Variants in TMOD2 observed in about 807,000 individuals in gnomAD.
TMOD2 encodes tropomodulin-2.
In TMOD2, 22 loss-of-function variants were observed where a neutral mutation model predicts 39.9. The observed-to-expected ratio is 0.55, with a 90% confidence interval of 0.39 to 0.79. The LOEUF (loss-of-function observed/expected upper bound fraction) is 0.79, where lower values mean the gene tolerates loss of function less well. Ranked by LOEUF, TMOD2 falls within the 30% of genes least tolerant of loss-of-function variation. TMOD2 has a pLI of 0.00. For synonymous variants in TMOD2, 123 were observed against 146.1 expected (o/e 0.84, Z 1.14); for missense variants, 386 against 413.3 (o/e 0.93, Z 0.57).
At position 51,773,833 on chromosome 15, in the gene TMOD2, A is replaced by C; in HGVS notation, c.405A>C (p.Ala135=). The C allele has an allele frequency of 5.6e-6, 9 of 1,606,296 alleles. No individual in the cohort carries two copies. The highest frequency in any genetic ancestry group is 7.6e-6 in the Non-Finnish European group (9 of 1,177,616). ...CTGACACCGAACTCTATGATCTTGC[A>C]GGTTAGTCCTGAACTCTGGGAACTT... is the stretch of plus-strand genomic sequence containing the variant. ...SASDTELYDL[A]AVLGVHNLLN... Residue 135 remains alanine (A), a splice_region_variant and synonymous_variant, in exon 4 of 10, where the codon GCA becomes GCC. Coordinates refer to ENST00000249700, the MANE Select transcript of TMOD2 (RefSeq NM_014548.4).
chr15:51,769,155 G>A (rs1027239191), intron 3 of TMOD2, among the ~76,000 whole-genome samples: 5 of 152,254 alleles, frequency 3.3e-5, no homozygotes, highest in Admixed American at 2.6e-4. Flanking sequence ...TGCTTATGGT[G>A]TGATGGTTCT....
intron 8 of TMOD2, among the ~76,000 whole-genome samples, chr15:51,804,415 C>G (rs536417607): frequency 1.3e-5 from 2 of 150,328 alleles, no homozygotes; most frequent in African/African-American, 4.9e-5. Flanking sequence ...TGTGTAGATA[C>G]GTGAATGCAT....
chr15:51,758,931 C>G (rs1489733263), intron 1 of TMOD2, among the ~76,000 whole-genome samples: 1 of 152,192 alleles, frequency 6.6e-6, no homozygotes, highest in Non-Finnish European at 1.5e-5. Context: ...GAGTGCAGCA[C>G]AGGATGAGGC....
intron 3 of TMOD2, among the ~76,000 whole-genome samples, chr15:51,770,565 G>A (rs572676533): frequency 1.3e-5 from 2 of 152,300 alleles, no homozygotes; most frequent in South Asian, 4.1e-4. Context: ...GAGTGCTACT[G>A]CCTTGTCTCA....
At chr15:51,775,670 G>C (rs8027721) in intron 4 of TMOD2, among the ~76,000 whole-genome samples, 66,117 of 146,470 alleles carry the variant, frequency 0.45, 14,980 homozygotes, top group Admixed American at 0.54. Flanking sequence ...CTCCACCTCC[G>C]GAGTTCAAGC....
Position 51,781,145 on chromosome 15 carries a change from T to A in TMOD2, c.595T>A (p.Leu199Met), listed in dbSNP as rs758640525. Reference sequence around the variant, plus strand: ...GCAGATGAAAGCCAATGATCCTAGCTTGCAAGAAGTCAACCTCAACAACAT... The same window carrying A: ...GCAGATGAAAGCCAATGATCCTAGCATGCAAGAAGTCAACCTCAACAACAT... The part of the protein sequence containing the change: ...LQQMKANDPS[L>M]QEVNLNNIKN... The change falls in exon 6 of 10, where the codon TTG becomes ATG. Residue 199 changes from leucine (L) to methionine (M), a missense_variant. Coordinates refer to ENST00000249700, the MANE Select transcript of TMOD2 (RefSeq NM_014548.4). The A allele has an allele frequency of 6.2e-7, 1 of 1,610,782 alleles. No homozygotes were observed. Among genetic ancestry groups the A allele is most frequent in the South Asian group, 1.1e-5 (1 of 90,048 alleles).
intron 1 of TMOD2, among the ~76,000 whole-genome samples, chr15:51,765,268 T>G (rs1464783252): frequency 6.6e-6 from 1 of 152,250 alleles, no homozygotes; most frequent in Non-Finnish European, 1.5e-5. Context: ...TCCAAAGTGC[T>G]GGGATTACAG....
Sources: gnomAD v4.1 joint callset for allele counts (sites outside exome capture counted in the v4.1 genomes callset) on GRCh38, gnomAD v4.1.1 for gene constraint, MANE v1.5 for transcripts, NCBI Gene and HGNC (gene_info 2026-07-23, HGNC 2026-07-21) for gene names.